Variants in ANK2 observed in about 807,000 individuals in gnomAD.
ANK2 encodes ankyrin 2, also known as ankyrin-2.
In ANK2, 83 loss-of-function variants were observed where a neutral mutation model predicts 360.5. The ratio of observed to expected loss-of-function variants is 0.23; its 90% CI spans 0.19 to 0.28. The LOEUF is 0.28. Ranked by LOEUF, ANK2 falls within the 10% of genes least tolerant of loss-of-function variation. ANK2 has a pLI of 1.00. For missense variants in ANK2, 4,201 were observed against 4,795.7 expected (o/e 0.88, Z 3.66); for synonymous variants, 1,740 against 1,759.5 (o/e 0.99, Z 0.28).
intron 2 of ANK2, among the ~76,000 whole-genome samples, chr4:112,992,759 G>T (rs1164224116): frequency 6.6e-6 from 1 of 152,120 alleles, no homozygotes; most frequent in East Asian, 1.9e-4. Context: ...ACCTTTCAAG[G>T]ATTCCATCTC....
At chr4:113,333,288 G>C in intron 29 of ANK2, 80 bp downstream of exon 29, 1 of 1,523,126 alleles carries the variant, frequency 6.6e-7, no homozygotes, top group Non-Finnish European at 9.0e-7. Flanking sequence ...TGACCTAGGG[G>C]TGTGTGTATA....
Position 113,233,104 on chromosome 4 carries a change from C to CTTTTTTTTTTTTTTTTTTTTT in ANK2, c.483+846_483+847insTTTTTTTTTTTTTTTTTTTTT, listed in dbSNP as rs1563056547. ...ACCAGAGTATATGGGCTTGGCTTTTCTGTTTTTTTTTTTTTTTTTTTTTTT... is the reference window on the plus strand; with the variant it reads ...ACCAGAGTATATGGGCTTGGCTTTTCTTTTTTTTTTTTTTTTTTTTTTGTTTTTTTTTTTTTTTTTTTTTTT... On this transcript the variant is annotated intron_variant, in intron 5 of 45. Coordinates refer to ENST00000357077, the MANE Select transcript of ANK2 (RefSeq NM_001148.6). Among the ~76,000 whole-genome samples, 2 of 29,296 alleles carry CTTTTTTTTTTTTTTTTTTTTT rather than the reference C, an allele frequency of 6.8e-5. 1 individual carries two copies. The allele number at this position is 29,296 out of a possible 152,430, so 19.2% of individuals were successfully genotyped here.
intron 2 of ANK2, among the ~76,000 whole-genome samples, chr4:113,007,123 T>G (rs2053154263): frequency 6.6e-6 from 1 of 152,354 alleles, no homozygotes; most frequent in South Asian, 2.1e-4. Context: ...TCTTTTTGGG[T>G]ACATACTTTG....
rs2093578630 is a variant in ANK2 at position 113,336,620 on chromosome 4, A to G, written c.3635A>G (p.Asn1212Ser). ...HSELVKKILG[N>S]KATFSPIVTL... ...GAGCTGGTTAAGAAGATCCTAGGCA[A>G]CAAAGCTACCTTCAGCCCTATAGTC... Residue 1212 changes from asparagine (N) to serine (S), a missense_variant, in exon 31 of 46, where the codon AAC becomes AGC. By Grantham distance (46) the Asn-to-Ser change is conservative (BLOSUM62 1). Around this residue, in one of 4 missense-constraint regions of ANK2, gnomAD observed 1,268 missense variants for 1,650.8 expected, o/e 0.77. Coordinates refer to ENST00000357077, the MANE Select transcript of ANK2 (RefSeq NM_001148.6). 6.2e-7 allele frequency: 1 copy of G among 1,614,166 alleles called. No individual in the cohort carries two copies. Among genetic ancestry groups the G allele is most frequent in the Non-Finnish European group, 8.5e-7 (1 of 1,180,030 alleles).
Position 113,336,604 on chromosome 4 carries a change from A to G in ANK2, c.3619A>G (p.Lys1207Glu). 2 of 1,614,098 alleles carry G rather than the reference A, an allele frequency of 1.2e-6. No homozygotes were observed. The highest frequency in any genetic ancestry group is 1.1e-5 in the South Asian group (1 of 91,072). ...QAQPMHSELV[K>E]KILGNKATFS... ...TCAACCTATGCACAGTGAGCTGGTT[A>G]AGAAGATCCTAGGCAACAAAGCTAC... is the stretch of plus-strand genomic sequence containing the variant. Residue 1207 changes from lysine (K) to glutamate (E), a missense_variant, in exon 31 of 46, where the codon AAG (lysine) becomes GAG (glutamate). Physicochemically the swap from Lys to Glu is moderately conservative, Grantham distance 56. Around this residue, in one of 4 missense-constraint regions of ANK2, gnomAD observed 1,268 missense variants for 1,650.8 expected, o/e 0.77. Coordinates refer to ENST00000357077, the MANE Select transcript of ANK2 (RefSeq NM_001148.6).
intron 4 of ANK2, among the ~76,000 whole-genome samples, chr4:113,222,617 C>A (rs1028788718): frequency 2.6e-5 from 4 of 152,050 alleles, no homozygotes; most frequent in African/African-American, 9.7e-5. Flanking sequence ...ATCTTGGTCT[C>A]ACCACTTGGT....
intron 1 of ANK2, among the ~76,000 whole-genome samples, chr4:113,060,204 T>C (rs1224829604): frequency 6.6e-6 from 1 of 152,144 alleles, no homozygotes; most frequent in Non-Finnish European, 1.5e-5. Flanking sequence ...ACATGATGTT[T>C]TGTTAAATAA....
At chr4:113,255,702 A>T in intron 10 of ANK2, 33 bp from the exon 11 acceptor site, 1 of 1,609,088 alleles carries the variant, frequency 6.2e-7, no homozygotes, top group Non-Finnish European at 8.5e-7. Context: ...GAAAAAAAAA[A>T]AGGACATTAT....
intron 2 of ANK2, among the ~76,000 whole-genome samples, chr4:113,043,356 G>C (rs529022765): frequency 1.7e-4 from 26 of 152,146 alleles, no homozygotes; most frequent in African/African-American, 6.0e-4. Context: ...GGCAATTCAG[G>C]GAGGGCACTG....
chr4:112,770,477 G>C, the ANK2 span, among the ~76,000 whole-genome samples: 15 of 152,320 alleles, frequency 9.8e-5, no homozygotes, highest in African/African-American at 3.6e-4. Flanking sequence ...AGGCCGATGA[G>C]GGTGGATCAC....
intron 10 of ANK2, among the ~76,000 whole-genome samples, chr4:113,253,247 A>G (rs1024993627): frequency 5.9e-5 from 9 of 152,200 alleles, no homozygotes; most frequent in African/African-American, 2.2e-4. Flanking sequence ...CCTAGCTGCC[A>G]CTTCTCAGTC....
intron 2 of ANK2, among the ~76,000 whole-genome samples, chr4:112,966,554 G>A (rs995470804): frequency 3.3e-5 from 5 of 151,694 alleles, no homozygotes; most frequent in Admixed American, 6.6e-5. Context: ...GTTTCTTCAC[G>A]TTTGTAACTG....
At chr4:113,256,257 A>G (rs1469240503) in intron 11 of ANK2, among the ~76,000 whole-genome samples, 1 of 152,254 alleles carries the variant, frequency 6.6e-6, no homozygotes, top group African/African-American at 2.4e-5. Context: ...TACAAAATAA[A>G]TTCTAGATAC....
chr4:112,732,500 G>T, the ANK2 span, among the ~76,000 whole-genome samples: 1 of 151,944 alleles, frequency 6.6e-6, no homozygotes, highest in Non-Finnish European at 1.5e-5. Context: ...TTCCACCTTG[G>T]CCTCCTAAAG....
chr4:113,174,567 T>C (rs1297309920), intron 2 of ANK2, 50 bp downstream of exon 2: 3 of 1,328,212 alleles, frequency 2.3e-6, no homozygotes, highest in Non-Finnish European at 3.2e-6. Context: ...GAACACTCAT[T>C]ACATTCTCAG....
At chr4:113,293,345 A>T (rs1438272009) in intron 21 of ANK2, 95 bp from the exon 22 acceptor site, 1 of 1,075,020 alleles carries the variant, frequency 9.3e-7, no homozygotes, top group African/African-American at 1.6e-5. Flanking sequence ...TTTGGAAGGA[A>T]ATGCTGGCTG....
intron 2 of ANK2, among the ~76,000 whole-genome samples, chr4:113,015,161 G>T (rs1335320424): frequency 3.9e-5 from 6 of 152,032 alleles, no homozygotes; most frequent in Admixed American, 2.0e-4. Context: ...CCCGGCCAGA[G>T]CTTTTTATCT....
chr4:112,931,035 GA>G (rs1360217686), intron 2 of ANK2, among the ~76,000 whole-genome samples: 1 of 152,184 alleles, frequency 6.6e-6, no homozygotes, highest in East Asian at 1.9e-4. Context: ...ATTTTGGTCA[GA>G]ACACAAGGTC....
At chr4:113,377,055 C>A (rs553932645) in intron 45 of ANK2, among the ~76,000 whole-genome samples, 3 of 152,046 alleles carry the variant, frequency 2.0e-5, no homozygotes, top group Non-Finnish European at 4.4e-5. Flanking sequence ...AAAGAGTACA[C>A]TCTAAAATAG....
Sources: allele counts gnomAD v4.1 joint callset (sites outside exome capture counted in the v4.1 genomes callset), GRCh38; gene constraint gnomAD v4.1.1; regional missense constraint gnomAD v4.1.1; transcripts MANE v1.5; gene names NCBI Gene and HGNC (gene_info 2026-07-23, HGNC 2026-07-21).